Variants in NLRP2 observed in about 807,000 individuals in gnomAD.
The protein encoded by NLRP2 is NACHT, LRR and PYD domains-containing protein 2.
In NLRP2, 107 loss-of-function variants were observed where a neutral mutation model predicts 97.2. The ratio of observed to expected loss-of-function variants is 1.10; its 90% CI spans 0.94 to 1.29. The LOEUF (loss-of-function observed/expected upper bound fraction) is 1.29. Among genes scored for constraint, NLRP2 ranks in the 50% most tolerant of loss-of-function variants. The pLI, the probability that NLRP2 is intolerant of heterozygous loss-of-function variation, is 0.00. For missense variants in NLRP2, 1,495 were observed against 1,330.3 expected (o/e 1.12, Z -1.93); for synonymous variants, 663 against 551.5 (o/e 1.20, Z -2.83).
intron 12 of NLRP2, among the ~76,000 whole-genome samples, chr19:55,000,362 C>T (rs1382676126): frequency 1.1e-4 from 15 of 135,098 alleles, no homozygotes; most frequent in African/African-American, 2.2e-4. Flanking sequence ...CTGCAAGCTC[C>T]GCCTCCCGGG....
intron 10 of NLRP2, among the ~76,000 whole-genome samples, chr19:54,992,067 C>A (rs901281264): frequency 1.3e-5 from 2 of 151,290 alleles, no homozygotes. Context: ...CAGGCACTCA[C>A]CACCACGCCG....
intron 10 of NLRP2, chr19:54,993,970 G>C (rs1025889329): frequency 2.0e-6 from 1 of 495,798 alleles, no homozygotes; most frequent in African/African-American, 1.9e-5. Context: ...TTGACTCTCA[G>C]CTCCCTCTTA....
chr19:54,975,265 CACTT>C (rs1356750819), intron 3 of NLRP2, among the ~76,000 whole-genome samples: 7,115 of 144,564 alleles, frequency 0.049, 373 homozygotes, highest in East Asian at 0.15. Flanking sequence ...GGACCACAGG[CACTT>C]GCCACCATGC....
chr19:54,984,329 G>GGTTTTTTT (rs1329961462), intron 6 of NLRP2, among the ~76,000 whole-genome samples: 56 of 79,676 alleles, frequency 7.0e-4, no homozygotes, highest in African/African-American at 2.4e-3. Flanking sequence ...TTTTTTTTGT[G>GGTTTTTTT]TTTTTTTTTT....
rs146314922 is a variant in NLRP2, at chr19:54,982,828, A to G, written c.1130A>G (p.Gln377Arg). ...YFLRHFGDED[Q>R]AMRAFELMRS... ...CTGAGACACTTTGGAGACGAGGACCAAGCCATGCGTGCCTTTGAGCTAATG... is the reference window on the plus strand; with the variant it reads ...CTGAGACACTTTGGAGACGAGGACCGAGCCATGCGTGCCTTTGAGCTAATG... Residue 377 changes from glutamine (Q) to arginine (R), a missense_variant, in exon 6 of 13, where the codon CAA becomes CGA. Gln to Arg is a conservative substitution (Grantham distance 43). Coordinates refer to ENST00000448584, the MANE Select transcript of NLRP2 (RefSeq NM_017852.5). 6.2e-7 allele frequency: 1 copy of G among 1,613,710 alleles called. No homozygotes were observed. The highest frequency in any genetic ancestry group is 8.5e-7 in the Non-Finnish European group (1 of 1,179,952).
intron 11 of NLRP2, 74 bp from the exon 12 acceptor site, chr19:54,997,243 G>C: frequency 6.8e-7 from 1 of 1,477,888 alleles, no homozygotes; most frequent in South Asian, 1.1e-5. Context: ...CAACACACGA[G>C]GGTGGGCTTG....
chr19:54,997,432 G>A lies in NLRP2; in HGVS notation c.2995G>A (p.Val999Met). The A allele has an allele frequency of 6.2e-7, 1 of 1,614,232 alleles. No individual in the cohort carries two copies. Among genetic ancestry groups the A allele is most frequent in the Admixed American group, 1.7e-5 (1 of 60,014 alleles). Reference protein sequence around the residue: ...LGQNPLGSSGVKMLFETLTCS... With the variant: ...LGQNPLGSSGMKMLFETLTCS... ...TCAGAATCCCTTGGGGTCTAGTGGA[G>A]TGAAGATGCTGTTTGAAACCTTGAC... The change falls in exon 12 of 13, where the codon GTG (valine) becomes ATG (methionine). Residue 999 changes from valine to methionine, a missense_variant. Val to Met is a conservative substitution (Grantham distance 21). Transcript: ENST00000448584.
chr19:54,981,509 G>GGCCCCCCCC, intron 4 of NLRP2, 108 bp from the exon 5 acceptor site: 16 of 386,504 alleles, frequency 4.1e-5, no homozygotes, highest in South Asian at 8.5e-5. Flanking sequence ...CTGATCCCGT[G>GGCCCCCCCC]CCCCCCCTCC....
At chr19:54,975,080 C>T (rs2146369659) in intron 3 of NLRP2, among the ~76,000 whole-genome samples, 1 of 139,978 alleles carries the variant, frequency 7.1e-6, no homozygotes, top group African/African-American at 2.6e-5. Context: ...GGATTATGGG[C>T]ATGAGCCACC....
At chr19:55,000,470 G>A (rs2073120548) in intron 12 of NLRP2, among the ~76,000 whole-genome samples, 1 of 150,596 alleles carries the variant, frequency 6.6e-6, no homozygotes. Flanking sequence ...AGTAGAGACA[G>A]GGTTTCACCG....
chr19:54,986,836 C>G (rs893343344), intron 8 of NLRP2, among the ~76,000 whole-genome samples: 2 of 151,904 alleles, frequency 1.3e-5, no homozygotes, highest in Non-Finnish European at 2.9e-5. Flanking sequence ...GCATGAGCCA[C>G]CATGCCCAGC....
At chr19:54,971,711 G>A (rs1344245011) in intron 2 of NLRP2, among the ~76,000 whole-genome samples, 2 of 151,832 alleles carry the variant, frequency 1.3e-5, no homozygotes, top group Non-Finnish European at 2.9e-5. Flanking sequence ...TATTTCTATC[G>A]CTTTCAGGTA....
chr19:54,994,183 A>G (rs1201031360), intron 10 of NLRP2, 86 bp from the exon 11 acceptor site: 17 of 1,402,170 alleles, frequency 1.2e-5, no homozygotes, highest in Non-Finnish European at 1.7e-5. Flanking sequence ...AAGTGTGTCT[A>G]ACCCACGGCT....
At chr19:54,999,238 C>T (rs528929998) in intron 12 of NLRP2, among the ~76,000 whole-genome samples, 14 of 152,334 alleles carry the variant, frequency 9.2e-5, no homozygotes, top group South Asian at 8.3e-4. Flanking sequence ...ACCTCCGCCT[C>T]CCGGGTTCAA....
At chr19:54,972,642 A>G (rs1297078537) in intron 2 of NLRP2, among the ~76,000 whole-genome samples, 1 of 151,658 alleles carries the variant, frequency 6.6e-6, no homozygotes. Context: ...ATTTTTGTAG[A>G]GATAGGGTTT....
In NLRP2 at chr19:54,982,433, C is replaced by A; in HGVS notation, c.735C>A (p.Leu245=). Reference sequence around the variant, plus strand: ...ACAAATTCAAATATGCGTTCTACCTCAGCTGCAGGGAGCTCAGCCGCCTGG... The same window carrying A: ...ACAAATTCAAATATGCGTTCTACCTAAGCTGCAGGGAGCTCAGCCGCCTGG... ...LIHKFKYAFY[L]SCRELSRLGP... is the part of the protein sequence containing the mutation. The change falls in exon 6 of 13, where the codon CTC becomes CTA. Residue 245 remains leucine (L), a synonymous_variant. Transcript: ENST00000448584. The A allele has an allele frequency of 6.2e-7, 1 of 1,614,140 alleles. No homozygotes were observed. The highest frequency in any genetic ancestry group is 8.5e-7 in the Non-Finnish European group (1 of 1,180,024).
Position 54,978,043 on chromosome 19 carries a change from A to G in NLRP2, c.397+220A>G, listed in dbSNP as rs577213548. Among the ~76,000 whole-genome samples, 22 of 152,044 alleles carry G rather than the reference A, an allele frequency of 1.4e-4. No individual in the cohort carries two copies. The East Asian group carries it at 2.9e-3, about 20-fold the overall frequency. On this transcript the variant is annotated intron_variant, in intron 4 of 12. Transcript: ENST00000448584. Reference sequence around the variant, plus strand: ...AGAACTCAGTTTGTAGAAAGTTAGGAGCACAGCGCAGAGAGTTTTTGTTTT... The same window carrying G: ...AGAACTCAGTTTGTAGAAAGTTAGGGGCACAGCGCAGAGAGTTTTTGTTTT...
chr19:54,994,069 T>G (rs1602427699), intron 10 of NLRP2, 200 bp from the exon 11 acceptor site: 10 of 658,984 alleles, frequency 1.5e-5, no homozygotes, highest in Non-Finnish European at 2.5e-5. Flanking sequence ...AGGTCCCTTT[T>G]GCTCGCAGGT....
intron 4 of NLRP2, among the ~76,000 whole-genome samples, chr19:54,980,884 T>C (rs956236071): frequency 5.3e-5 from 8 of 152,028 alleles, no homozygotes; most frequent in Admixed American, 2.0e-4. Context: ...CTGAGGTGGG[T>C]GGATCATCTG....
Sources: allele counts gnomAD v4.1 joint callset (sites outside exome capture counted in the v4.1 genomes callset), GRCh38; gene constraint gnomAD v4.1.1; transcripts MANE v1.5; gene names NCBI Gene and HGNC (gene_info 2026-07-23, HGNC 2026-07-21).